VPS41: variants seen among roughly 807,000 people sequenced by gnomAD.
The protein encoded by VPS41 is vacuolar protein sorting-associated protein 41 homolog.
A neutral mutation model predicts 130.9 loss-of-function variants in VPS41; 85 were observed. The observed-to-expected ratio is 0.65, with a 90% CI of 0.55 to 0.78. The LOEUF is 0.78. VPS41 is among the 30% of genes least tolerant of loss of function. VPS41 has a pLI of 0.00. For missense variants in VPS41, 874 were observed against 1,018.7 expected (o/e 0.86, Z 1.93); for synonymous variants, 335 against 332.9 (o/e 1.01, Z -0.07).
chr7:38,855,360 T>C (rs1347608971), intron 4 of VPS41, among the ~76,000 whole-genome samples: 2 of 151,728 alleles, frequency 1.3e-5, no homozygotes, highest in Non-Finnish European at 2.9e-5. Context: ...AAAAAAGAGA[T>C]GGGTGATCCT....
chr7:38,882,776 T>TA (rs1235267633), intron 2 of VPS41, among the ~76,000 whole-genome samples: 1 of 152,156 alleles, frequency 6.6e-6, no homozygotes, highest in Non-Finnish European at 1.5e-5. Context: ...GGCTATACTT[T>TA]AAAAAACAAA....
At chr7:38,885,889 A>G (rs1173693728) in intron 2 of VPS41, among the ~76,000 whole-genome samples, 1 of 152,176 alleles carries the variant, frequency 6.6e-6, no homozygotes, top group Non-Finnish European at 1.5e-5. Flanking sequence ...TACAATAACC[A>G]AAAGACATAA....
intron 25 of VPS41, 43 bp downstream of exon 25, chr7:38,741,942 T>C: frequency 6.2e-7 from 1 of 1,607,776 alleles, no homozygotes; most frequent in Non-Finnish European, 8.5e-7. Flanking sequence ...CAGTACTAAG[T>C]CAACTAATTC....
In VPS41 at chr7:38,821,264, AC is replaced by A; in HGVS notation, c.322del (p.Val108CysfsTer30). The A allele has an allele frequency of 4.3e-6, 7 of 1,613,054 alleles. No homozygotes were observed. The highest frequency in any genetic ancestry group is 5.9e-6 in the Non-Finnish European group (7 of 1,179,202). ...TCCAGAATACAGTCCAAATACCTGC[AC>A]CTACAAAGAAAATGGATTGTATCAG... ...HMGVCSEDGK[V>X]QVFGLYSGEE... is the part of the protein sequence containing the mutation. On this transcript the variant is annotated frameshift_variant and splice_region_variant, in exon 6 of 29. Transcript: ENST00000310301. LOFTEE classifies it high-confidence loss of function.
chr7:38,861,235 CAA>C (rs2116305494), intron 4 of VPS41, among the ~76,000 whole-genome samples: 1 of 152,184 alleles, frequency 6.6e-6, no homozygotes, highest in South Asian at 2.1e-4. Flanking sequence ...TATTCAATAT[CAA>C]AAAGACAGAA....
chr7:38,854,893 A>G, intron 4 of VPS41, among the ~76,000 whole-genome samples: 2 of 150,354 alleles, frequency 1.3e-5, no homozygotes. Flanking sequence ...AAAGAAGGAG[A>G]TGGTTAAGCC....
intron 2 of VPS41, among the ~76,000 whole-genome samples, chr7:38,894,674 G>A (rs753549857): frequency 1.3e-5 from 2 of 152,038 alleles, no homozygotes; most frequent in Admixed American, 1.3e-4. Flanking sequence ...TTTTTCACAC[G>A]AGGAAACTGA....
intron 23 of VPS41, among the ~76,000 whole-genome samples, chr7:38,744,807 G>C (rs867775745): frequency 6.6e-6 from 1 of 152,236 alleles, no homozygotes; most frequent in East Asian, 1.9e-4. Context: ...CACATAAAAG[G>C]GAATAGAGGA....
chr7:38,789,935 A>G (rs1242876865), intron 9 of VPS41, 68 bp from the exon 10 acceptor site: 1 of 1,526,862 alleles, frequency 6.5e-7, no homozygotes, highest in East Asian at 2.3e-5. Flanking sequence ...TTTATTCAGT[A>G]TATGGTATCT....
chr7:38,799,418 G>A (rs1365977076), intron 7 of VPS41, among the ~76,000 whole-genome samples: 1 of 151,914 alleles, frequency 6.6e-6, no homozygotes, highest in African/African-American at 2.4e-5. Flanking sequence ...TTGAAAATGA[G>A]AAATACTATA....
chr7:38,860,022 A>C (rs1786071067), intron 4 of VPS41, among the ~76,000 whole-genome samples: 1 of 152,148 alleles, frequency 6.6e-6, no homozygotes, highest in African/African-American at 2.4e-5. Flanking sequence ...ATAAAGTATC[A>C]CTCTAGCAGT....
chr7:38,886,764 A>T (rs1310741152), intron 2 of VPS41, among the ~76,000 whole-genome samples: 1 of 152,168 alleles, frequency 6.6e-6, no homozygotes, highest in African/African-American at 2.4e-5. Flanking sequence ...GACACCTTCC[A>T]GTAGGGGCCA....
intron 1 of VPS41, among the ~76,000 whole-genome samples, chr7:38,903,608 T>C (rs187938845): frequency 6.0e-4 from 91 of 152,336 alleles, no homozygotes; most frequent in Middle Eastern, 3.4e-3. Context: ...TACTGCCACC[T>C]TCTCTGTCTT....
chr7:38,870,640 T>C (rs1347391345), intron 2 of VPS41, among the ~76,000 whole-genome samples: 1 of 145,836 alleles, frequency 6.9e-6, no homozygotes, highest in Non-Finnish European at 1.5e-5. Flanking sequence ...CGGGACCAAA[T>C]GACCAAAAAT....
rs543217478 is a variant in VPS41 at position 38,899,075 on chromosome 7, A to G, written c.22-946T>C. Among the ~76,000 whole-genome samples, 23 of 152,384 alleles carry G rather than the reference A, an allele frequency of 1.5e-4. No individual in the cohort carries two copies. The East Asian group carries it at 4.4e-3, about 29-fold the overall frequency. Reference sequence around the variant, plus strand: ...ACAAGTTGGACAGCGGGATAAATGTAAATCTAGTGTTTAAAATCATTTTAA... The same window carrying G: ...ACAAGTTGGACAGCGGGATAAATGTGAATCTAGTGTTTAAAATCATTTTAA... On this transcript the variant is annotated intron_variant, in intron 1 of 28. Transcript: ENST00000310301.
At chr7:38,858,597 T>C (rs1388216672) in intron 4 of VPS41, among the ~76,000 whole-genome samples, 1 of 152,214 alleles carries the variant, frequency 6.6e-6, no homozygotes, top group Non-Finnish European at 1.5e-5. Context: ...AAGCTATCTT[T>C]TCCTAAACAT....
At chr7:38,797,050 C>T (rs1286071060) in intron 7 of VPS41, 186 bp from the exon 8 acceptor site, 1 of 651,664 alleles carries the variant, frequency 1.5e-6, no homozygotes, top group East Asian at 3.0e-5. Context: ...TCATATTCTC[C>T]CCAGGAAGTT....
In VPS41 at chr7:38,899,989, C is replaced by G. The variant is rs113514428; in HGVS notation, c.22-1860G>C. ...TGGGCTGGGCACAGTGGCTCACGCC[C>G]GTAATCCCAGCATTTTGGGAGGCCG... On this transcript the variant is annotated intron_variant, in intron 1 of 28. Coordinates refer to ENST00000310301, the MANE Select transcript of VPS41 (RefSeq NM_014396.4). Among the ~76,000 whole-genome samples the G allele has an allele frequency of 6.2e-3, 936 of 152,172 alleles. 8 individuals are homozygous for G. Among genetic ancestry groups the G allele is most frequent in the Middle Eastern group, 0.027 (8 of 294 alleles).
rs1008209007 is a variant in VPS41 at position 38,743,265 on chromosome 7, C to G, written c.2122+137G>C. On this transcript the variant is annotated intron_variant, in intron 24 of 28. Coordinates refer to ENST00000310301, the MANE Select transcript of VPS41 (RefSeq NM_014396.4). ...GGAGGAGTATTGGAAATCATTACAA[C>G]ACACCTGGCCTATTTTTATTGTAGG... 1.2e-5 allele frequency: 11 copies of G among 909,532 alleles called. No homozygotes were observed. In the African/African-American group the frequency reaches 1.5e-4, roughly 12 times the overall value. 56.3% of individuals were successfully genotyped at this position (909,532 alleles called of 1,614,324 possible).
Sources: allele counts gnomAD v4.1 joint callset (sites outside exome capture counted in the v4.1 genomes callset), GRCh38; gene constraint gnomAD v4.1.1; transcripts MANE v1.5; gene names NCBI Gene and HGNC (gene_info 2026-07-23, HGNC 2026-07-21).